The following VCAN variants were observed in gnomAD, a reference collection of about 807,000 sequenced individuals.
The protein encoded by VCAN is versican, also known as versican core protein.
Under a neutral mutation model 245.5 loss-of-function variants are expected in VCAN, and 44 were observed. The ratio of observed to expected loss-of-function variants is 0.18; its 90% CI spans 0.14 to 0.23. VCAN has a LOEUF of 0.23. Among genes scored for constraint, VCAN ranks in the 10% least tolerant of loss-of-function variants. VCAN has a pLI of 1.00. For synonymous variants in VCAN, 1,413 were observed against 1,437.0 expected, an observed-to-expected ratio of 0.98 and a Z score of 0.38; for missense variants, 3,793 against 4,057.9, an observed-to-expected ratio of 0.93 and a Z score of 1.77.
chr5:83,545,474 TA>T, intron 8 of VCAN, 62 bp from the exon 9 acceptor site: 1 of 1,416,498 alleles, frequency 7.1e-7, no homozygotes, highest in Non-Finnish European at 1.0e-6. Flanking sequence ...CGTTTTATGC[TA>T]AAATACACGC....
chr5:83,517,188 T>C (rs886610842), intron 6 of VCAN, among the ~76,000 whole-genome samples: 23 of 152,152 alleles, frequency 1.5e-4, no homozygotes, highest in African/African-American at 5.6e-4. Context: ...TGAAATCTAG[T>C]TATTTAGTTT....
chr5:83,509,940 GA>G (rs1745600780), intron 5 of VCAN, among the ~76,000 whole-genome samples: 1 of 152,154 alleles, frequency 6.6e-6, no homozygotes, highest in East Asian at 1.9e-4. Flanking sequence ...AGGATAGGGG[GA>G]AAAAAGAGAC....
intron 5 of VCAN, among the ~76,000 whole-genome samples, chr5:83,505,979 G>T (rs182404824): frequency 6.6e-4 from 100 of 152,342 alleles, no homozygotes; most frequent in Non-Finnish European, 1.5e-5. Flanking sequence ...CTCAGCCACG[G>T]TTTGAGTGGC....
intron 7 of VCAN, among the ~76,000 whole-genome samples, chr5:83,524,050 T>C (rs750939261): frequency 3.3e-5 from 5 of 152,174 alleles, no homozygotes; most frequent in Non-Finnish European, 5.9e-5. Flanking sequence ...TTGAATAATA[T>C]AAAACCCAGT....
At chr5:83,564,314 C>T (rs1280050865) in intron 12 of VCAN, among the ~76,000 whole-genome samples, 2 of 152,022 alleles carry the variant, frequency 1.3e-5, no homozygotes, top group Non-Finnish European at 1.5e-5. Context: ...TATATCACCA[C>T]CTAGTGGTCG....
intron 12 of VCAN, among the ~76,000 whole-genome samples, chr5:83,562,856 G>A (rs1023863416): frequency 6.6e-6 from 1 of 152,096 alleles, no homozygotes; most frequent in Non-Finnish European, 1.5e-5. Context: ...GTCTCACAGT[G>A]CGAGTAACTC....
chr5:83,540,465 A>G lies in VCAN; in HGVS notation c.7462A>G (p.Met2488Val), dbSNP rs2112447405. The change falls in exon 8 of 15, where the codon ATG (methionine) becomes GTG (valine). Residue 2488 changes from methionine (M) to valine (V), a missense_variant. This residue lies in a region of VCAN where 3,182 missense variants were observed against 3,250.3 expected (regional missense o/e 0.98). Transcript: ENST00000265077. ...TGATGGATTCCCAACAGTTTCAGTG[A>G]TGCTGCCTCTTCATTCAGAGCAGAA... Reference protein sequence around the residue: ...TADGFPTVSVMLPLHSEQNKS... With the variant: ...TADGFPTVSVVLPLHSEQNKS... The G allele has an allele frequency of 3.7e-6, 6 of 1,613,974 alleles. No homozygotes were observed. Among genetic ancestry groups the G allele is most frequent in the Non-Finnish European group, 4.2e-6 (5 of 1,179,922 alleles).
chr5:83,539,737 A>G lies in VCAN; in HGVS notation c.6734A>G (p.Gln2245Arg). The G allele has an allele frequency of 6.2e-7, 1 of 1,613,878 alleles. No homozygotes were observed. The highest frequency in any genetic ancestry group is 8.5e-7 in the Non-Finnish European group (1 of 1,179,998). Residue 2245 changes from glutamine to arginine, a missense_variant, in exon 8 of 15, where the codon CAA becomes CGA. Around this residue, in one of 5 missense-constraint regions of VCAN, gnomAD observed 3,182 missense variants for 3,250.3 expected, o/e 0.98. Transcript: ENST00000265077. ...CCGAAAGGCATGAGACCAACAATTC[A>G]AGAGTCAGATACTGAGCTCTTATTC... Reference protein sequence around the residue: ...HFPKGMRPTIQESDTELLFSG... With the variant: ...HFPKGMRPTIRESDTELLFSG...
chr5:83,506,351 T>C (rs1745483400), intron 5 of VCAN, among the ~76,000 whole-genome samples: 1 of 152,168 alleles, frequency 6.6e-6, no homozygotes, highest in Non-Finnish European at 1.5e-5. Context: ...AGAAATTTCT[T>C]CCACCACATA....
chr5:83,569,537 C>T (rs13166037), intron 12 of VCAN, among the ~76,000 whole-genome samples: 5,663 of 152,006 alleles, frequency 0.037, 181 homozygotes, highest in Middle Eastern at 0.095. Flanking sequence ...GAAAAAAATG[C>T]AATTAATGAG....
intron 12 of VCAN, among the ~76,000 whole-genome samples, chr5:83,565,312 G>T (rs1158130258): frequency 6.6e-6 from 1 of 152,042 alleles, no homozygotes; most frequent in Admixed American, 6.6e-5. Flanking sequence ...CTGCTACACA[G>T]ATGTGTATGA....
At chr5:83,549,171 G>T (rs1747357929) in intron 10 of VCAN, among the ~76,000 whole-genome samples, 1 of 152,126 alleles carries the variant, frequency 6.6e-6, no homozygotes, top group Admixed American at 6.5e-5. Flanking sequence ...CATGATTCTG[G>T]CTTCTGTTAG....
chr5:83,482,928 C>T (rs1039659841), intron 1 of VCAN, among the ~76,000 whole-genome samples: 1 of 152,172 alleles, frequency 6.6e-6, no homozygotes, highest in African/African-American at 2.4e-5. Context: ...GTTTGCTTAG[C>T]CAGCTAGAAA....
chr5:83,570,816 G>T (rs1023554207), intron 12 of VCAN, among the ~76,000 whole-genome samples: 13 of 114,712 alleles, frequency 1.1e-4, no homozygotes. Flanking sequence ...TAGAGTAATT[G>T]GACCTTCCCT....
chr5:83,535,847 A>G (rs1746687127), intron 7 of VCAN: 1 of 152,152 alleles, frequency 6.6e-6, no homozygotes, highest in Non-Finnish European at 1.5e-5. Context: ...TATTATTCCT[A>G]TGGGCAGGGT....
intron 13 of VCAN, among the ~76,000 whole-genome samples, chr5:83,573,573 C>T (rs1748370597): frequency 6.6e-6 from 1 of 152,106 alleles, no homozygotes; most frequent in Non-Finnish European, 1.5e-5. Context: ...CATTTATTTA[C>T]ATTTTAAAAT....
At chr5:83,572,852 C>T (rs1748337145) in intron 13 of VCAN, among the ~76,000 whole-genome samples, 1 of 144,976 alleles carries the variant, frequency 6.9e-6, no homozygotes, top group Admixed American at 7.2e-5. Flanking sequence ...GGCCAATAGA[C>T]CTTTTTATTT....
At chr5:83,518,248 A>G (rs1745933401) in intron 6 of VCAN, among the ~76,000 whole-genome samples, 1 of 149,936 alleles carries the variant, frequency 6.7e-6, no homozygotes, top group Non-Finnish European at 1.5e-5. Context: ...TTTTATTTTA[A>G]AAAAACAATC....
chr5:83,572,936 C>G (rs924727140), intron 13 of VCAN, among the ~76,000 whole-genome samples: 10 of 151,174 alleles, frequency 6.6e-5, no homozygotes, highest in African/African-American at 1.2e-4. Context: ...GAGTCTCGCT[C>G]TGTCACCAGG....
Sources: gnomAD v4.1 joint callset for allele counts (sites outside exome capture counted in the v4.1 genomes callset) on GRCh38, gnomAD v4.1.1 for gene constraint, gnomAD v4.1.1 regional missense constraint, MANE v1.5 for transcripts, NCBI Gene and HGNC (gene_info 2026-07-23, HGNC 2026-07-21) for gene names.